TDP1: variants seen among roughly 807,000 people sequenced by gnomAD.
TDP1 encodes the protein tyrosyl-DNA phosphodiesterase 1, also known as tyr-DNA phosphodiesterase 1.
A neutral mutation model predicts 81.5 loss-of-function variants in TDP1; 64 were observed. The ratio of observed to expected loss-of-function variants is 0.79; its 90% confidence interval spans 0.64 to 0.97. The LOEUF is 0.97. Among genes scored for constraint, TDP1 ranks in the 50% least tolerant of loss-of-function variants. TDP1 has a pLI of 0.00. For missense variants in TDP1, 723 were observed against 743.8 expected, an observed-to-expected ratio of 0.97 and a Z score of 0.33; for synonymous variants, 256 against 264.3, an observed-to-expected ratio of 0.97 and a Z score of 0.30.
Position 89,960,300 on chromosome 14 carries a change from A to G in TDP1, c.-7-2808A>G, listed in dbSNP as rs74080525. Among the ~76,000 whole-genome samples the G allele has an allele frequency of 2.3e-3, 346 of 152,260 alleles. 3 individuals carry two copies. The highest frequency in any genetic ancestry group is 7.7e-3 in the African/African-American group (318 of 41,542). Reference sequence around the variant, plus strand: ...GTTTTTTTTTCAAACCGGAAGGATTAAAAACATTTAAAAAACCACCTCTGA... The same window carrying G: ...GTTTTTTTTTCAAACCGGAAGGATTGAAAACATTTAAAAAACCACCTCTGA... On this transcript the variant is annotated intron_variant, in intron 2 of 16. Transcript: ENST00000335725.
At chr14:90,003,172 G>A (rs1897330543) in intron 14 of TDP1, among the ~76,000 whole-genome samples, 1 of 152,170 alleles carries the variant, frequency 6.6e-6, no homozygotes. Context: ...TCCTGACCTT[G>A]TGATCCGCCC....
intron 7 of TDP1, among the ~76,000 whole-genome samples, chr14:89,978,205 C>T (rs996170079): frequency 1.3e-5 from 2 of 152,246 alleles, no homozygotes; most frequent in Middle Eastern, 3.2e-3. Context: ...GCCACCAGCC[C>T]TGTGAAACCA....
At position 89,993,312 on chromosome 14, in the gene TDP1, C is replaced by T. The variant is rs1022057437; in HGVS notation, c.1434-64C>T. Reference sequence around the variant, plus strand: ...AGGCTCTTTGTTTTCATGCAGTTTCCTAATATTAGGATTATGATCAATTTT... The same window carrying T: ...AGGCTCTTTGTTTTCATGCAGTTTCTTAATATTAGGATTATGATCAATTTT... On this transcript the variant is annotated intron_variant, in intron 13 of 16. Coordinates refer to ENST00000335725, the MANE Select transcript of TDP1 (RefSeq NM_018319.4). 6.4e-6 allele frequency: 9 copies of T among 1,411,626 alleles called. No individual in the cohort carries two copies. In the Middle Eastern group the frequency reaches 5.3e-4, roughly 82 times the overall value. 87.4% of individuals were successfully genotyped at this position (1,411,626 alleles called of 1,614,324 possible). A position where few individuals can be genotyped will look rare whatever the true frequency, so the allele number is the denominator to read the frequency against.
chr14:89,997,076 G>A (rs150428997), intron 14 of TDP1, among the ~76,000 whole-genome samples: 83 of 152,330 alleles, frequency 5.4e-4, no homozygotes, highest in African/African-American at 1.9e-3. Context: ...AATGCTTTTT[G>A]ACTATTCTAC....
chr14:90,032,207 G>A (rs1247717408), intron 15 of TDP1, among the ~76,000 whole-genome samples: 2 of 152,084 alleles, frequency 1.3e-5, no homozygotes, highest in Non-Finnish European at 2.9e-5. Context: ...CAGTCAACAC[G>A]GACCTCCCCA....
At chr14:89,972,611 A>G (rs1456080785) in intron 6 of TDP1, among the ~76,000 whole-genome samples, 1 of 151,778 alleles carries the variant, frequency 6.6e-6, no homozygotes, top group Non-Finnish European at 1.5e-5. Flanking sequence ...CTCATCATCT[A>G]AAAAGATCTT....
At chr14:90,024,762 T>A (rs879598515) in intron 15 of TDP1, among the ~76,000 whole-genome samples, 1 of 152,230 alleles carries the variant, frequency 6.6e-6, no homozygotes, top group Non-Finnish European at 1.5e-5. Flanking sequence ...GATTTCTGTA[T>A]CATAATCCTA....
intron 8 of TDP1, among the ~76,000 whole-genome samples, chr14:89,982,174 C>G (rs1316617704): frequency 6.6e-6 from 1 of 152,166 alleles, no homozygotes; most frequent in Non-Finnish European, 1.5e-5. Context: ...AGACCCCTAG[C>G]TGTAATTCCT....
chr14:89,993,646 C>T (rs901891791), intron 14 of TDP1, among the ~76,000 whole-genome samples, 163 bp downstream of exon 14: 2 of 152,108 alleles, frequency 1.3e-5, no homozygotes, highest in South Asian at 2.1e-4. Flanking sequence ...CATGACTAAT[C>T]CCTTTGTAAA....
At chr14:90,023,913 T>TC (rs770617666) in intron 15 of TDP1, among the ~76,000 whole-genome samples, 11 of 152,178 alleles carry the variant, frequency 7.2e-5, no homozygotes, top group East Asian at 3.9e-4. Context: ...GCTCAAGTGA[T>TC]CCTTCTCAGC....
intron 13 of TDP1, 133 bp from the exon 14 acceptor site, chr14:89,993,243 C>G (rs1896370753): frequency 7.7e-7 from 1 of 1,290,532 alleles, no homozygotes; most frequent in Non-Finnish European, 1.1e-6. Context: ...CATAAAATCT[C>G]ACAGGTCACA....
At position 90,043,068 on chromosome 14, in the gene TDP1, A is replaced by G. The variant is rs758463563; in HGVS notation, c.1754-2A>G. On this transcript the variant is annotated splice_acceptor_variant, in intron 16 of 16. Transcript: ENST00000335725. LOFTEE classifies it high-confidence loss of function. Reference sequence around the variant, plus strand: ...ATATTACGTAATGTGTTTTTCCCCCAGATCGGCCATGGATATGGAACATTC... The same window carrying G: ...ATATTACGTAATGTGTTTTTCCCCCGGATCGGCCATGGATATGGAACATTC... 1.2e-6 allele frequency: 2 copies of G among 1,614,070 alleles called. No individual in the cohort carries two copies. The highest frequency in any genetic ancestry group is 1.7e-6 in the Non-Finnish European group (2 of 1,180,038).
At chr14:89,990,657 A>G (rs547325761) in intron 12 of TDP1, among the ~76,000 whole-genome samples, 9 of 144,454 alleles carry the variant, frequency 6.2e-5, no homozygotes, top group Non-Finnish European at 1.2e-4. Context: ...CTAATAGGCT[A>G]GATTCATTCA....
intron 2 of TDP1, among the ~76,000 whole-genome samples, chr14:89,961,245 A>C (rs1892290708): frequency 6.6e-6 from 1 of 152,216 alleles, no homozygotes; most frequent in Non-Finnish European, 1.5e-5. Flanking sequence ...GAAGGCACTC[A>C]GTGCTCAGCC....
intron 5 of TDP1, among the ~76,000 whole-genome samples, chr14:89,970,578 C>T (rs915028885): frequency 1.6e-4 from 25 of 152,078 alleles, no homozygotes; most frequent in African/African-American, 5.3e-4. Context: ...TACTTATGTG[C>T]CGTTTTGGGC....
At chr14:89,991,105 G>A (rs1896127138) in intron 12 of TDP1, among the ~76,000 whole-genome samples, 1 of 152,138 alleles carries the variant, frequency 6.6e-6, no homozygotes, top group Non-Finnish European at 1.5e-5. Flanking sequence ...AGTAGAAGGG[G>A]CACTGACATC....
intron 15 of TDP1, among the ~76,000 whole-genome samples, chr14:90,028,244 G>A (rs1425636004): frequency 2.0e-5 from 3 of 152,208 alleles, no homozygotes; most frequent in Non-Finnish European, 4.4e-5. Flanking sequence ...TTGACTAAGT[G>A]TGCCCCTTCT....
At chr14:90,016,454 G>T (rs1006382548) in intron 14 of TDP1, among the ~76,000 whole-genome samples, 2 of 152,128 alleles carry the variant, frequency 1.3e-5, no homozygotes, top group Non-Finnish European at 2.9e-5. Flanking sequence ...CCCTCACCAG[G>T]TATGTATTTT....
At chr14:90,017,721 C>T (rs1261932581) in intron 14 of TDP1, among the ~76,000 whole-genome samples, 1 of 152,214 alleles carries the variant, frequency 6.6e-6, no homozygotes, top group African/African-American at 2.4e-5. Flanking sequence ...TGCCGTTAGA[C>T]TTTCCTCTTC....
Sources: allele counts gnomAD v4.1 joint callset (sites outside exome capture counted in the v4.1 genomes callset), GRCh38; gene constraint gnomAD v4.1.1; transcripts MANE v1.5; gene names NCBI Gene and HGNC (gene_info 2026-07-23, HGNC 2026-07-21).